PRDM5: variants seen among roughly 807,000 people sequenced by gnomAD.
The protein encoded by PRDM5 is PR domain zinc finger protein 5.
A neutral mutation model predicts 81.2 loss-of-function variants in PRDM5; 56 were observed. That is an observed-to-expected ratio of 0.69 (90% CI 0.56 to 0.86). The LOEUF (loss-of-function observed/expected upper bound fraction) is 0.86, where lower values mean the gene tolerates loss of function less well. PRDM5 is among the 40% of genes least tolerant of loss of function. PRDM5 has a pLI of 0.00. For missense variants in PRDM5, 697 were observed against 770.1 expected, an observed-to-expected ratio of 0.91 and a Z score of 1.12; for synonymous variants, 267 against 256.4, an observed-to-expected ratio of 1.04 and a Z score of -0.39.
At chr4:120,813,203 G>C (rs1754074670) in intron 7 of PRDM5, among the ~76,000 whole-genome samples, 1 of 152,040 alleles carries the variant, frequency 6.6e-6, no homozygotes, top group Non-Finnish European at 1.5e-5. Flanking sequence ...GAAATGAAGA[G>C]GCAATCAAAC....
At chr4:120,885,617 A>T (rs1364191771) in intron 2 of PRDM5, 1 of 152,004 alleles carries the variant, frequency 6.6e-6, no homozygotes, top group Non-Finnish European at 1.5e-5. Context: ...AACATGGTGA[A>T]ACCCCATCTC....
At chr4:120,888,546 G>C (rs1270676451) in intron 2 of PRDM5, among the ~76,000 whole-genome samples, 8 of 152,140 alleles carry the variant, frequency 5.3e-5, no homozygotes, top group African/African-American at 1.9e-4. Context: ...CTTCTAGCTT[G>C]AGACAACTCC....
chr4:120,797,901 G>A (rs1161938876), intron 10 of PRDM5, among the ~76,000 whole-genome samples: 1 of 152,098 alleles, frequency 6.6e-6, no homozygotes, highest in Non-Finnish European at 1.5e-5. Flanking sequence ...ATTGGCAGAA[G>A]ACCTAGCAGA....
chr4:120,706,215 T>C (rs1256601626), intron 15 of PRDM5, among the ~76,000 whole-genome samples: 1 of 152,076 alleles, frequency 6.6e-6, no homozygotes, highest in African/African-American at 2.4e-5. Context: ...TGCAGGCAAG[T>C]CACTCAACCT....
At chr4:120,867,238 T>C (rs1180045611) in intron 2 of PRDM5, among the ~76,000 whole-genome samples, 1 of 151,990 alleles carries the variant, frequency 6.6e-6, no homozygotes, top group Non-Finnish European at 1.5e-5. Flanking sequence ...TACCTGGACT[T>C]CTCACCCACA....
Position 120,828,859 on chromosome 4 carries a change from C to T in PRDM5, c.301-7514G>A, listed in dbSNP as rs891495527. ...GACTATCTTCTGGCTTTGGCTTGGC[C>T]GCTCTGAGGCTCTGTCACCTTGGGG... On this transcript the variant is annotated intron_variant, in intron 3 of 15. Coordinates refer to ENST00000264808, the MANE Select transcript of PRDM5 (RefSeq NM_018699.4). Among the ~76,000 whole-genome samples, 8 of 152,106 alleles carry T rather than the reference C, an allele frequency of 5.3e-5. No individual in the cohort carries two copies. The East Asian group carries it at 5.8e-4, about 11-fold the overall frequency.
chr4:120,748,446 T>C (rs75837386), intron 14 of PRDM5, among the ~76,000 whole-genome samples: 7,044 of 152,040 alleles, frequency 0.046, 286 homozygotes, highest in African/African-American at 0.12. Flanking sequence ...GAGCTCAAGA[T>C]CAGGCTGGGC....
intron 2 of PRDM5, among the ~76,000 whole-genome samples, chr4:120,883,043 T>C (rs1358791216): frequency 6.6e-6 from 1 of 152,246 alleles, no homozygotes; most frequent in East Asian, 1.9e-4. Context: ...TAGCCATATG[T>C]AACCAGTTGC....
intron 14 of PRDM5, among the ~76,000 whole-genome samples, chr4:120,734,252 TTTG>T (rs749143902): frequency 9.0e-4 from 132 of 147,182 alleles, no homozygotes; most frequent in Middle Eastern, 3.4e-3. Context: ...GCTTTGTTTG[TTTG>T]TTTTTTTTTT....
At chr4:120,865,036 T>C (rs964631100) in intron 2 of PRDM5, among the ~76,000 whole-genome samples, 1 of 152,102 alleles carries the variant, frequency 6.6e-6, no homozygotes, top group Admixed American at 6.6e-5. Context: ...CATCCAAACC[T>C]AGAACACAAA....
intron 2 of PRDM5, among the ~76,000 whole-genome samples, chr4:120,878,622 A>G (rs1762550183): frequency 6.6e-6 from 1 of 152,222 alleles, no homozygotes; most frequent in Admixed American, 6.5e-5. Context: ...TAAAGTGCAC[A>G]AAAAGATGAG....
chr4:120,761,058 A>T (rs1417255132), intron 13 of PRDM5, among the ~76,000 whole-genome samples: 1 of 152,206 alleles, frequency 6.6e-6, no homozygotes, highest in Non-Finnish European at 1.5e-5. Context: ...ATTCAGGCAG[A>T]CTTCTTGTAG....
chr4:120,792,290 T>C (rs1750687815), intron 10 of PRDM5, among the ~76,000 whole-genome samples: 1 of 152,168 alleles, frequency 6.6e-6, no homozygotes, highest in Non-Finnish European at 1.5e-5. Context: ...TTGAAGAAAG[T>C]CACTCCACTG....
chr4:120,790,790 T>C (rs1750450049), intron 10 of PRDM5, among the ~76,000 whole-genome samples: 2 of 151,824 alleles, frequency 1.3e-5, no homozygotes, highest in Non-Finnish European at 2.9e-5. Context: ...AAAAAAACAG[T>C]TGGATGGATA....
At chr4:120,868,862 T>G (rs1375147630) in intron 2 of PRDM5, among the ~76,000 whole-genome samples, 1 of 152,124 alleles carries the variant, frequency 6.6e-6, no homozygotes, top group African/African-American at 2.4e-5. Flanking sequence ...AAATAAGGCA[T>G]TTACAGTCTC....
chr4:120,909,772 T>TA (rs1403589009), intron 1 of PRDM5, among the ~76,000 whole-genome samples: 3 of 152,138 alleles, frequency 2.0e-5, no homozygotes, highest in African/African-American at 7.2e-5. Flanking sequence ...TTAAAAGACT[T>TA]AAAGCTCTGA....
intron 3 of PRDM5, among the ~76,000 whole-genome samples, chr4:120,826,348 T>C (rs1263506997): frequency 2.0e-5 from 3 of 152,138 alleles, no homozygotes. Flanking sequence ...TTCATCCTCC[T>C]TCAAGAAACT....
At chr4:120,717,001 T>C (rs1737871716) in intron 14 of PRDM5, among the ~76,000 whole-genome samples, 1 of 150,714 alleles carries the variant, frequency 6.6e-6, no homozygotes, top group Non-Finnish European at 1.5e-5. Flanking sequence ...GGCTGAGTGG[T>C]ACAGGGGATA....
At chr4:120,885,134 C>CAAAAAAAAAAAAAAAAAAAAA (rs60623556) in intron 2 of PRDM5, among the ~76,000 whole-genome samples, 1 of 50,706 alleles carries the variant, frequency 2.0e-5, no homozygotes, top group Non-Finnish European at 4.1e-5. Context: ...GACTCCGTAT[C>CAAAAAAAAAAAAAAAAAAAAA]AAAAAAAAAA....
Sources: gnomAD v4.1 joint callset for allele counts (sites outside exome capture counted in the v4.1 genomes callset) on GRCh38, gnomAD v4.1.1 for gene constraint, MANE v1.5 for transcripts, NCBI Gene and HGNC (gene_info 2026-07-23, HGNC 2026-07-21) for gene names.